The following ADAMTSL1 variants were observed in gnomAD, a reference collection of about 807,000 sequenced individuals.
The protein encoded by ADAMTSL1 is ADAMTS like 1.
In ADAMTSL1, 126 loss-of-function variants were observed where a neutral mutation model predicts 201.8. The observed-to-expected ratio is 0.62, with a 90% CI of 0.54 to 0.72. The LOEUF (loss-of-function observed/expected upper bound fraction) is 0.72. Ranked by LOEUF, ADAMTSL1 falls within the 30% of genes least tolerant of loss-of-function variation. The probability of loss-of-function intolerance (pLI) is 0.00; values close to 1 mark genes in which losing one functional copy is unlikely to be tolerated. For missense variants in ADAMTSL1, 2,679 were observed against 2,277.8 expected, an observed-to-expected ratio of 1.18 and a Z score of -3.59; for synonymous variants, 1,121 against 903.4, an observed-to-expected ratio of 1.24 and a Z score of -4.32.
chr9:18,662,205 C>T, intron 9 of ADAMTSL1, 132 bp downstream of exon 9: 1 of 1,207,890 alleles, frequency 8.3e-7, no homozygotes, highest in Non-Finnish European at 1.1e-6. Context: ...GTCCAGTGTT[C>T]ATTACTAATC....
At chr9:18,657,080 C>T (rs116860120) in intron 7 of ADAMTSL1, among the ~76,000 whole-genome samples, 6,570 of 152,234 alleles carry the variant, frequency 0.043, 195 homozygotes, top group South Asian at 0.081. Context: ...TTACCTAGTT[C>T]GCTGGGCATG....
chr9:18,891,021 T>TC (rs1278727806), intron 25 of ADAMTSL1, among the ~76,000 whole-genome samples: 2 of 152,014 alleles, frequency 1.3e-5, no homozygotes, highest in Non-Finnish European at 2.9e-5. Flanking sequence ...GTGGCTCTGC[T>TC]CCTGTGGGTT....
At chr9:18,105,470 C>A (rs552278686) in intron 1 of ADAMTSL1, among the ~76,000 whole-genome samples, 2 of 152,234 alleles carry the variant, frequency 1.3e-5, no homozygotes, top group South Asian at 4.2e-4. Context: ...ATTGAAATCA[C>A]CTTATTTTGA....
chr9:18,676,088 T>C (rs1339944852), intron 10 of ADAMTSL1, among the ~76,000 whole-genome samples, 181 bp downstream of exon 10: 1 of 152,122 alleles, frequency 6.6e-6, no homozygotes, highest in Non-Finnish European at 1.5e-5. Flanking sequence ...GCTCAGACTG[T>C]AAGCTTATCA....
At chr9:18,547,290 T>C (rs1820523956) in intron 3 of ADAMTSL1, among the ~76,000 whole-genome samples, 1 of 152,056 alleles carries the variant, frequency 6.6e-6, no homozygotes, top group Non-Finnish European at 1.5e-5. Context: ...CTATGCAATC[T>C]ATTAATATCT....
intron 5 of ADAMTSL1, among the ~76,000 whole-genome samples, chr9:18,629,277 A>G (rs978359890): frequency 4.6e-5 from 7 of 152,094 alleles, no homozygotes; most frequent in Admixed American, 1.3e-4. Flanking sequence ...CGCATGCAAT[A>G]CAATAGTGAA....
intron 1 of ADAMTSL1, among the ~76,000 whole-genome samples, chr9:18,486,762 C>T: frequency 6.6e-6 from 1 of 152,114 alleles, no homozygotes; most frequent in East Asian, 1.9e-4. Context: ...TTACCTCCCT[C>T]ATGTAACACA....
At chr9:18,873,087 T>C (rs1827958939) in intron 23 of ADAMTSL1, among the ~76,000 whole-genome samples, 1 of 152,222 alleles carries the variant, frequency 6.6e-6, no homozygotes, top group Non-Finnish European at 1.5e-5. Flanking sequence ...GTTGAGCATT[T>C]TTTCAAAAGT....
At chr9:17,926,810 CTA>C (rs1326091440) in intron 1 of ADAMTSL1, among the ~76,000 whole-genome samples, 1 of 152,114 alleles carries the variant, frequency 6.6e-6, no homozygotes, top group African/African-American at 2.4e-5. Context: ...CTGTGTGTGT[CTA>C]TGTGTACAGA....
At position 18,778,028 on chromosome 9, in the gene ADAMTSL1, A is replaced by T. The variant is rs1022371830; in HGVS notation, c.3677+122A>T. 4.5e-5 allele frequency: 58 copies of T among 1,299,228 alleles called. No individual in the cohort carries two copies. The African/African-American group carries it at 8.0e-4, about 18-fold the overall frequency. 80.5% of individuals were successfully genotyped at this position (1,299,228 alleles called of 1,614,324 possible). On this transcript the variant is annotated intron_variant, in intron 19 of 28. Transcript: ENST00000380548. The stretch of plus-strand genomic sequence containing the variant: ...GTAGGGCTTAGAGCTGGCCTCGGGG[A>T]CCCCATCATGGGGTGCAGGCCCTCT...
intron 2 of ADAMTSL1, among the ~76,000 whole-genome samples, chr9:18,443,888 C>T (rs543523707): frequency 6.6e-6 from 1 of 152,246 alleles, no homozygotes; most frequent in African/African-American, 2.4e-5. Flanking sequence ...AGAAATGGAC[C>T]TAAACCATAA....
At chr9:17,913,262 A>G (rs1825961886) in intron 1 of ADAMTSL1, among the ~76,000 whole-genome samples, 1 of 152,180 alleles carries the variant, frequency 6.6e-6, no homozygotes, top group African/African-American at 2.4e-5. Flanking sequence ...TGGGGATGGC[A>G]TTGAATCTAT....
At position 18,312,310 on chromosome 9, in the gene ADAMTSL1, A is replaced by AT. The variant is rs1194915708; in HGVS notation, c.207+148330dup. 3.3e-5 allele frequency among the ~76,000 whole-genome samples: 5 copies of AT among 152,238 alleles called. No individual in the cohort carries two copies. The East Asian group carries it at 9.6e-4, about 29-fold the overall frequency. ...ACCTGGTATATCTAAAAGCTCAGTA[A>AT]TATTCATCCTGGCATTTGCTTGAGC... On this transcript the variant is annotated intron_variant, in intron 2 of 29. Transcript: ENST00000680146.
intron 4 of ADAMTSL1, among the ~76,000 whole-genome samples, chr9:18,590,972 C>T (rs1425971588): frequency 6.6e-6 from 1 of 151,958 alleles, no homozygotes; most frequent in East Asian, 1.9e-4. Context: ...GGAAAATGTT[C>T]CATGTGTTGA....
intron 2 of ADAMTSL1, among the ~76,000 whole-genome samples, chr9:18,243,318 C>T (rs1426722706): frequency 6.6e-6 from 1 of 152,096 alleles, no homozygotes; most frequent in Non-Finnish European, 1.5e-5. Flanking sequence ...ACTCCTTCTT[C>T]TCTTGCCCTT....
Position 18,753,376 on chromosome 9 carries a change from C to A in ADAMTSL1, c.2085C>A (p.His695Gln), listed in dbSNP as rs1468219663. Reference sequence around the variant, plus strand: ...AGACCAGAGACGTCTTCTGCAGCCACCTGCTTTCCAGAGAGATGAATGAAA... The same window carrying A: ...AGACCAGAGACGTCTTCTGCAGCCAACTGCTTTCCAGAGAGATGAATGAAA... ...GLQTRDVFCS[H>Q]LLSREMNETV... Residue 695 changes from histidine (H) to glutamine (Q), a missense_variant, in exon 16 of 29, where the codon CAC (histidine) becomes CAA (glutamine). Transcript: ENST00000380548. 7 of 1,612,662 alleles carry A rather than the reference C, an allele frequency of 4.3e-6. No individual in the cohort carries two copies. The highest frequency in any genetic ancestry group is 2.2e-5 in the East Asian group (1 of 44,812).
intron 7 of ADAMTSL1, among the ~76,000 whole-genome samples, chr9:18,644,096 T>A (rs1224060951): frequency 6.6e-6 from 1 of 152,024 alleles, no homozygotes; most frequent in Non-Finnish European, 1.5e-5. Flanking sequence ...CTTTCTTGAT[T>A]AAATTTACTC....
chr9:18,390,218 T>C (rs1375626427), intron 2 of ADAMTSL1, among the ~76,000 whole-genome samples: 1 of 152,108 alleles, frequency 6.6e-6, no homozygotes, highest in Non-Finnish European at 1.5e-5. Flanking sequence ...GTAGTGTCCA[T>C]AAGATTAAAA....
intron 2 of ADAMTSL1, among the ~76,000 whole-genome samples, chr9:18,290,769 CT>C (rs1345749640): frequency 6.0e-5 from 5 of 82,718 alleles, no homozygotes; most frequent in Non-Finnish European, 7.6e-5. Flanking sequence ...TGAAAGCTGG[CT>C]TTTTTTGTGT....
Sources: gnomAD v4.1 joint callset for allele counts (sites outside exome capture counted in the v4.1 genomes callset) on GRCh38, gnomAD v4.1.1 for gene constraint, MANE v1.5 for transcripts, NCBI Gene and HGNC (gene_info 2026-07-23, HGNC 2026-07-21) for gene names.